The following SNTG2 variants were observed in gnomAD, a reference collection of about 807,000 sequenced individuals.
SNTG2 encodes the protein gamma-2-syntrophin.
SNTG2 carries 74 observed loss-of-function variants against 70.9 expected under a neutral mutation model. That is an observed-to-expected ratio of 1.04 (90% CI 0.86 to 1.27). The LOEUF (loss-of-function observed/expected upper bound fraction) is 1.27. Ranked by LOEUF, SNTG2 falls within the 50% of genes most tolerant of loss-of-function variation. The probability of loss-of-function intolerance (pLI) is 0.00; values close to 1 mark genes in which losing one functional copy is unlikely to be tolerated. For missense variants in SNTG2, 717 were observed against 690.7 expected, an observed-to-expected ratio of 1.04 and a Z score of -0.43; for synonymous variants, 278 against 273.8, an observed-to-expected ratio of 1.02 and a Z score of -0.15.
intron 1 of SNTG2, among the ~76,000 whole-genome samples, chr2:1,083,081 A>G (rs1036959513): frequency 6.6e-6 from 1 of 152,162 alleles, no homozygotes; most frequent in South Asian, 2.1e-4. Context: ...GTTACTTCCA[A>G]TGTGTTCCTT....
At chr2:1,331,705 T>G (rs2148284714) in intron 16 of SNTG2, among the ~76,000 whole-genome samples, 1 of 152,336 alleles carries the variant, frequency 6.6e-6, no homozygotes, top group Non-Finnish European at 1.5e-5. Flanking sequence ...CTTGATAGTG[T>G]GTGGCCTCTA....
chr2:1,217,566 C>G (rs1296680662), intron 9 of SNTG2, among the ~76,000 whole-genome samples: 3 of 152,196 alleles, frequency 2.0e-5, no homozygotes, highest in African/African-American at 7.2e-5. Context: ...TCCTGTGACA[C>G]TCGGTAGGTC....
At chr2:1,103,607 C>G (rs951056159) in intron 4 of SNTG2, among the ~76,000 whole-genome samples, 1 of 152,162 alleles carries the variant, frequency 6.6e-6, no homozygotes. Flanking sequence ...CCGGGATCAT[C>G]TCGATCCCTT....
rs867977123 is a variant in SNTG2 at position 1,218,975 on chromosome 2, G to A, written c.719+9745G>A. On this transcript the variant is annotated intron_variant, in intron 9 of 16. Coordinates refer to ENST00000308624, the MANE Select transcript of SNTG2 (RefSeq NM_018968.4). ...GTTCAGTGATTTTTAATTGTGATGCGGTTTAGGTCTGGGTTTCCACCCAAA... is the reference window on the plus strand; with the variant it reads ...GTTCAGTGATTTTTAATTGTGATGCAGTTTAGGTCTGGGTTTCCACCCAAA... Among the ~76,000 whole-genome samples, 118 of 152,290 alleles carry A rather than the reference G, an allele frequency of 7.7e-4. 1 individual carries two copies. Among genetic ancestry groups the A allele is most frequent in the African/African-American group, 2.5e-3 (105 of 41,566 alleles).
In SNTG2 at chr2:1,233,840, C is replaced by T. The variant is rs368270216; in HGVS notation, c.720-4048C>T. Among the ~76,000 whole-genome samples, 18 of 152,028 alleles carry T rather than the reference C, an allele frequency of 1.2e-4. No homozygotes were observed. In the East Asian group the frequency reaches 3.1e-3, roughly 26 times the overall value. The stretch of plus-strand genomic sequence containing the variant: ...GGTAGACTTTTCAAAAGTGCCGACA[C>T]AGTCAGTGCTTGACTTCCCCATGGA... On this transcript the variant is annotated intron_variant, in intron 9 of 16. Coordinates refer to ENST00000308624, the MANE Select transcript of SNTG2 (RefSeq NM_018968.4).
intron 1 of SNTG2, among the ~76,000 whole-genome samples, chr2:996,016 AT>A (rs138774014): frequency 3.3e-5 from 5 of 152,094 alleles, no homozygotes; most frequent in African/African-American, 1.2e-4. Flanking sequence ...AGTGGAAGTT[AT>A]TTTTTTGTTG....
At chr2:961,591 G>A (rs760333496) in intron 1 of SNTG2, among the ~76,000 whole-genome samples, 7 of 152,166 alleles carry the variant, frequency 4.6e-5, no homozygotes, top group Non-Finnish European at 7.3e-5. Context: ...TTTTAATGGA[G>A]CATTTTATTC....
chr2:1,118,068 A>C (rs1388472474), intron 4 of SNTG2, among the ~76,000 whole-genome samples: 1 of 152,166 alleles, frequency 6.6e-6, no homozygotes, highest in African/African-American at 2.4e-5. Context: ...AGTCTGCCTC[A>C]GAACAACAGA....
chr2:1,065,321 G>T (rs1027604633), intron 1 of SNTG2, among the ~76,000 whole-genome samples: 2 of 152,122 alleles, frequency 1.3e-5, no homozygotes, highest in African/African-American at 4.8e-5. Context: ...TGACCATATA[G>T]TTAATTGTCT....
intron 14 of SNTG2, among the ~76,000 whole-genome samples, chr2:1,298,735 A>T (rs1680325133): frequency 6.6e-6 from 1 of 152,122 alleles, no homozygotes; most frequent in Non-Finnish European, 1.5e-5. Flanking sequence ...CAAAGTATTG[A>T]TCCTGGGTGT....
At chr2:1,362,231 A>ACGAAGGTCACCGACG (rs1661213927) in intron 16 of SNTG2, among the ~76,000 whole-genome samples, 2 of 126,680 alleles carry the variant, frequency 1.6e-5, no homozygotes, top group Non-Finnish European at 1.7e-5. Context: ...GGTCACCAAC[A>ACGAAGGTCACCGACG]CTGAGTGTTT....
Position 1,221,897 on chromosome 2 carries a change from CTCTCTG to C in SNTG2, c.719+12685_719+12690del, listed in dbSNP as rs1266407880. 7.5e-5 allele frequency among the ~76,000 whole-genome samples: 2 copies of C among 26,766 alleles called. 1 individual carries two copies. The highest frequency in any genetic ancestry group is 1.2e-4 in the Non-Finnish European group (2 of 17,000). 17.6% of individuals were successfully genotyped at this position (26,766 alleles called of 152,430 possible). On this transcript the variant is annotated intron_variant, in intron 9 of 16. Coordinates refer to ENST00000308624, the MANE Select transcript of SNTG2 (RefSeq NM_018968.4). ...TCTCTCTCTGTCTCTGTCTGTGTCT[CTCTCTG>C]TCTCTGTCTCTGTCTCTCTCTGTCT...
intron 6 of SNTG2, among the ~76,000 whole-genome samples, chr2:1,140,017 C>G (rs1052626060): frequency 2.6e-5 from 4 of 151,928 alleles, no homozygotes; most frequent in Non-Finnish European, 4.4e-5. Context: ...TCAATTTTTC[C>G]GATGCATAAA....
At chr2:968,463 CTTTT>C (rs1170293559) in intron 1 of SNTG2, among the ~76,000 whole-genome samples, 3 of 151,548 alleles carry the variant, frequency 2.0e-5, no homozygotes, top group Non-Finnish European at 2.9e-5. Flanking sequence ...TTATTTTGGC[CTTTT>C]TGAAGTTCAT....
At chr2:1,242,199 GTTTAAA>G (rs1314630895) in intron 11 of SNTG2, among the ~76,000 whole-genome samples, 1 of 152,050 alleles carries the variant, frequency 6.6e-6, no homozygotes, top group African/African-American at 2.4e-5. Flanking sequence ...AATGTTAGGA[GTTTAAA>G]TTTAAGACAT....
chr2:998,037 A>G (rs141250568), intron 1 of SNTG2, among the ~76,000 whole-genome samples: 90 of 152,350 alleles, frequency 5.9e-4, no homozygotes, highest in Non-Finnish European at 7.3e-5. Flanking sequence ...GAAAGCCATC[A>G]TACAAAGGCT....
chr2:1,172,721 TC>T (rs1671204819), intron 7 of SNTG2, among the ~76,000 whole-genome samples: 2 of 152,178 alleles, frequency 1.3e-5, no homozygotes, highest in Non-Finnish European at 2.9e-5. Flanking sequence ...CCTGGTATGA[TC>T]ATCTCCTTTC....
intron 6 of SNTG2, among the ~76,000 whole-genome samples, chr2:1,148,434 G>A (rs1178155035): frequency 6.6e-6 from 1 of 152,198 alleles, no homozygotes. Flanking sequence ...ACCCAGAGCT[G>A]GGGAGGCTGC....
intron 1 of SNTG2, among the ~76,000 whole-genome samples, chr2:983,609 C>T (rs1661205636): frequency 6.6e-6 from 1 of 152,244 alleles, no homozygotes; most frequent in Non-Finnish European, 1.5e-5. Context: ...ACCTGCCCTT[C>T]TCCTGTTCTG....
Sources: gnomAD v4.1 joint callset for allele counts (sites outside exome capture counted in the v4.1 genomes callset) on GRCh38, gnomAD v4.1.1 for gene constraint, MANE v1.5 for transcripts, NCBI Gene and HGNC (gene_info 2026-07-23, HGNC 2026-07-21) for gene names.